The following ATL2 variants were observed in gnomAD, a reference collection of about 807,000 sequenced individuals.
The protein encoded by ATL2 is atlastin GTPase 2.
ATL2 carries 31 observed loss-of-function variants against 73.9 expected under a neutral mutation model. The observed-to-expected ratio is 0.42, with a 90% CI of 0.32 to 0.57. ATL2 has a LOEUF of 0.57. ATL2 is among the 20% of genes least tolerant of loss of function. ATL2 has a pLI of 0.14. For synonymous variants in ATL2, 291 were observed against 237.5 expected (o/e 1.23, Z -2.07); for missense variants, 738 against 702.6 (o/e 1.05, Z -0.57).
chr2:38,311,490 G>C (rs1371610099), intron 7 of ATL2, among the ~76,000 whole-genome samples: 5 of 151,998 alleles, frequency 3.3e-5, no homozygotes, highest in Non-Finnish European at 7.4e-5. Context: ...TGGAAAAACT[G>C]TTGTCTATTC....
chr2:38,302,236 G>C (rs1031425513), intron 9 of ATL2, among the ~76,000 whole-genome samples: 1 of 151,880 alleles, frequency 6.6e-6, no homozygotes, highest in Non-Finnish European at 1.5e-5. Context: ...AAATGTGCTG[G>C]CTTCAGGTGT....
At chr2:38,319,615 AAGAGAGAGAG>A in intron 2 of ATL2, among the ~76,000 whole-genome samples, 1 of 149,506 alleles carries the variant, frequency 6.7e-6, no homozygotes, top group East Asian at 1.9e-4. Context: ...AAAAAAAAAA[AAGAGAGAGAG>A]AGAGAGAGAC....
At position 38,298,155 on chromosome 2, in the gene ATL2, G is replaced by C. The variant is rs778585699; in HGVS notation, c.1621C>G (p.Leu541Val). 2 of 1,612,100 alleles carry C rather than the reference G, an allele frequency of 1.2e-6. No individual in the cohort carries two copies. Among genetic ancestry groups the C allele is most frequent in the Non-Finnish European group, 1.7e-6 (2 of 1,178,894 alleles). ...AGATAGATACCAACCTGTTCCCATA[G>C]TGTTTCAGCAATCTGATCAATCACT... Reference protein sequence around the residue: ...GTVIDQIAETLWEQVLKPLGD... With the variant: ...GTVIDQIAETVWEQVLKPLGD... The change falls in exon 12 of 13, where the codon CTA becomes GTA. Residue 541 changes from leucine (L) to valine (V), a missense_variant. By Grantham distance (32) the Leu-to-Val change is conservative. Coordinates refer to ENST00000378954, the MANE Select transcript of ATL2 (RefSeq NM_001135673.4).
intron 7 of ATL2, 45 bp downstream of exon 7, chr2:38,313,106 C>A: frequency 6.9e-7 from 1 of 1,445,712 alleles, no homozygotes; most frequent in East Asian, 2.3e-5. Context: ...ACCCGTTTGC[C>A]TAGCTTGGTG....
intron 1 of ATL2, among the ~76,000 whole-genome samples, chr2:38,360,068 T>C (rs1484778477): frequency 1.4e-5 from 2 of 147,142 alleles, no homozygotes; most frequent in Non-Finnish European, 3.0e-5. Context: ...AGGTAGAGGT[T>C]GCAGTGAGAT....
rs569456443 is a variant in ATL2 at position 38,343,959 on chromosome 2, G to A, written c.119-447C>T. On this transcript the variant is annotated intron_variant, in intron 1 of 12. Coordinates refer to ENST00000378954, the MANE Select transcript of ATL2 (RefSeq NM_001135673.4). ...CCGCCATGATTGTGAGACCTCCCCA[G>A]CCACGTGAAACTTTGATTCCATTAA... 2.0e-5 allele frequency among the ~76,000 whole-genome samples: 3 copies of A among 152,284 alleles called. No homozygotes were observed. In the South Asian group the frequency reaches 6.2e-4, roughly 32 times the overall value.
intron 1 of ATL2, chr2:38,376,156 C>T (rs1671949700): frequency 1.3e-6 from 2 of 1,531,542 alleles, no homozygotes; most frequent in African/African-American, 2.8e-5. Context: ...TTTGAAAAAA[C>T]TTTATGCCTT....
intron 11 of ATL2, among the ~76,000 whole-genome samples, 185 bp downstream of exon 11, chr2:38,299,071 T>C (rs1210392641): frequency 6.6e-6 from 1 of 152,170 alleles, no homozygotes; most frequent in African/African-American, 2.4e-5. Context: ...CAAATTCTGC[T>C]CTCAAATAAT....
chr2:38,347,545 T>C (rs1355725971), intron 1 of ATL2, among the ~76,000 whole-genome samples: 1 of 152,160 alleles, frequency 6.6e-6, no homozygotes, highest in African/African-American at 2.4e-5. Flanking sequence ...TTTTTTTCAA[T>C]TCCTAAAACA....
chr2:38,317,510 T>G (rs868448318), intron 4 of ATL2, among the ~76,000 whole-genome samples: 9 of 152,278 alleles, frequency 5.9e-5, no homozygotes, highest in South Asian at 2.1e-4. Flanking sequence ...GAGAAGGGAT[T>G]TTATCCCTTC....
intron 9 of ATL2, among the ~76,000 whole-genome samples, chr2:38,307,492 C>T (rs532486841): frequency 9.9e-5 from 15 of 151,562 alleles, no homozygotes; most frequent in African/African-American, 3.6e-4. Flanking sequence ...GAGCAACGCT[C>T]CATTTCAAAA....
chr2:38,325,898 TGTTTGTTTAAAAAAAAAA>T (rs1241675337), intron 2 of ATL2, among the ~76,000 whole-genome samples: 58 of 139,498 alleles, frequency 4.2e-4, no homozygotes, highest in East Asian at 3.9e-3. Context: ...TTTGTTTGTT[TGTTTGTTTAAAAAAAAAA>T]AAAAAAAAAA....
intron 2 of ATL2, among the ~76,000 whole-genome samples, chr2:38,326,555 C>A (rs966018640): frequency 1.3e-5 from 2 of 151,958 alleles, no homozygotes; most frequent in Non-Finnish European, 2.9e-5. Context: ...AGGATAAATA[C>A]CAAAAAAATC....
chr2:38,350,043 T>C (rs972703250), intron 1 of ATL2, among the ~76,000 whole-genome samples: 1 of 152,180 alleles, frequency 6.6e-6, no homozygotes, highest in Non-Finnish European at 1.5e-5. Flanking sequence ...GTATGTAAAT[T>C]TCATTAGGAT....
At chr2:38,368,452 A>T (rs936345395) in intron 1 of ATL2, among the ~76,000 whole-genome samples, 1 of 150,918 alleles carries the variant, frequency 6.6e-6, no homozygotes, top group Non-Finnish European at 1.5e-5. Context: ...GGGTTTCTCC[A>T]TGTTGGTCAG....
In ATL2 at chr2:38,377,188, C is replaced by G. The variant is rs751483731; in HGVS notation, c.73G>C (p.Asp25His). The change falls in exon 1 of 13, where the codon GAC becomes CAC. Residue 25 changes from aspartate (D) to histidine (H), a missense_variant. Physicochemically the swap from Asp to His is moderately conservative, Grantham distance 81 (BLOSUM62 -1). Coordinates refer to ENST00000378954, the MANE Select transcript of ATL2 (RefSeq NM_001135673.4). ...QGLWRRRRTS[D>H]PSAAVNHVSS... ...ACGTGGTTAACCGCGGCGCTTGGGT[C>G]GCTGGTCCGTCGCCGGCGCCACAGC... 1 of 1,610,760 alleles carries G rather than the reference C, an allele frequency of 6.2e-7. No homozygotes were observed. Among genetic ancestry groups the G allele is most frequent in the Non-Finnish European group, 8.5e-7 (1 of 1,179,324 alleles).
intron 4 of ATL2, among the ~76,000 whole-genome samples, chr2:38,317,693 GTTTT>G (rs1001597276): frequency 6.6e-5 from 10 of 151,632 alleles, no homozygotes; most frequent in Admixed American, 5.3e-4. Flanking sequence ...AATTACCTGG[GTTTT>G]TTGTTTGTTT....
At chr2:38,301,815 C>T (rs1008748867) in intron 9 of ATL2, among the ~76,000 whole-genome samples, 1 of 152,150 alleles carries the variant, frequency 6.6e-6, no homozygotes, top group Non-Finnish European at 1.5e-5. Flanking sequence ...GCCAGTGGAC[C>T]TGGGGTGCAT....
intron 2 of ATL2, among the ~76,000 whole-genome samples, chr2:38,340,734 C>G (rs1363446423): frequency 6.6e-6 from 1 of 152,144 alleles, no homozygotes; most frequent in Non-Finnish European, 1.5e-5. Context: ...AAAGCATGAC[C>G]CACCACATGA....
Sources: allele counts gnomAD v4.1 joint callset (sites outside exome capture counted in the v4.1 genomes callset), GRCh38; gene constraint gnomAD v4.1.1; transcripts MANE v1.5; gene names NCBI Gene and HGNC (gene_info 2026-07-23, HGNC 2026-07-21).